Variants in DNAH5 observed in about 807,000 individuals in gnomAD.
DNAH5 encodes the protein axonemal beta dynein heavy chain 5.
A neutral mutation model predicts 518.2 loss-of-function variants in DNAH5; 372 were observed. That is an observed-to-expected ratio of 0.72 (90% CI 0.66 to 0.78). DNAH5 has a LOEUF of 0.78. DNAH5 is among the 30% of genes least tolerant of loss of function. The pLI is 0.00. For synonymous variants in DNAH5, 2,039 were observed against 2,025.9 expected, an observed-to-expected ratio of 1.01 and a Z score of -0.17; for missense variants, 5,523 against 5,687.0, an observed-to-expected ratio of 0.97 and a Z score of 0.93.
At chr5:13,964,886 C>T (rs545016311) in intron 1 of DNAH5, among the ~76,000 whole-genome samples, 1 of 152,310 alleles carries the variant, frequency 6.6e-6, no homozygotes, top group African/African-American at 2.4e-5. Flanking sequence ...TCATTTCTCA[C>T]CCTAAATCTC....
Position 13,766,008 on chromosome 5 carries a change from TC to T in DNAH5, c.10068del (p.Met3357Ter). The T allele has an allele frequency of 6.2e-7, 1 of 1,614,202 alleles. No homozygotes were observed. The highest frequency in any genetic ancestry group is 8.5e-7 in the Non-Finnish European group (1 of 1,180,010). Reference sequence around the variant, plus strand: ...TTCTGTAAAAAGTTCCCTGCAGTCATCAATTTTAAGGATTCCTGCCAGGAGG... The same window carrying T: ...TTCTGTAAAAAGTTCCCTGCAGTCATAATTTTAAGGATTCCTGCCAGGAGG... ...TMPSWQESLK[L>X]MTAGNFLQNL... On this transcript the variant is annotated frameshift_variant, in exon 59 of 79. Transcript: ENST00000265104. LOFTEE classifies it high-confidence loss of function.
At chr5:13,873,088 C>G (rs1427952269) in intron 22 of DNAH5, among the ~76,000 whole-genome samples, 2 of 152,052 alleles carry the variant, frequency 1.3e-5, no homozygotes, top group African/African-American at 4.8e-5. Context: ...CACAATTGCA[C>G]ATGTATCCTA....
chr5:13,907,437 C>T (rs1391251279), intron 12 of DNAH5, among the ~76,000 whole-genome samples: 1 of 151,816 alleles, frequency 6.6e-6, no homozygotes, highest in East Asian at 1.9e-4. Flanking sequence ...CCCCCGCCAC[C>T]CCCCAAAAAA....
chr5:13,979,414 T>A (rs1345648924), intron 1 of DNAH5, among the ~76,000 whole-genome samples: 1 of 152,086 alleles, frequency 6.6e-6, no homozygotes, highest in Admixed American at 6.5e-5. Context: ...GAATGTAAGC[T>A]TCCCCAGCAC....
At chr5:13,885,816 G>A in intron 18 of DNAH5, 148 bp downstream of exon 18, 3 of 791,218 alleles carry the variant, frequency 3.8e-6, no homozygotes, top group Non-Finnish European at 4.0e-6. Context: ...AATATGCTCA[G>A]GGCCATAATT....
chr5:13,848,817 T>C (rs1471327918), intron 31 of DNAH5, among the ~76,000 whole-genome samples: 1 of 152,204 alleles, frequency 6.6e-6, no homozygotes, highest in Admixed American at 6.5e-5. Flanking sequence ...GGAGCGGCTG[T>C]AAATACAAAT....
intron 64 of DNAH5, among the ~76,000 whole-genome samples, chr5:13,751,478 C>G (rs1163181583): frequency 6.6e-6 from 1 of 152,026 alleles, no homozygotes; most frequent in Non-Finnish European, 1.5e-5. Flanking sequence ...TATATACACA[C>G]ATATATATAA....
intron 72 of DNAH5, 66 bp downstream of exon 72, chr5:13,718,816 A>C (rs1744649009): frequency 1.5e-6 from 2 of 1,362,322 alleles, no homozygotes; most frequent in Admixed American, 3.4e-5. Context: ...ATCCTTTTAT[A>C]ATTTTTTTAG....
chr5:13,973,721 TAAAAA>T (rs55645869), intron 1 of DNAH5, among the ~76,000 whole-genome samples: 3 of 145,202 alleles, frequency 2.1e-5, no homozygotes, highest in African/African-American at 2.6e-5. Context: ...TCACTTATGT[TAAAAA>T]AAAAAAAAAA....
chr5:13,729,179 A>G (rs958110217), intron 69 of DNAH5, among the ~76,000 whole-genome samples: 13 of 152,212 alleles, frequency 8.5e-5, no homozygotes, highest in Admixed American at 1.3e-4. Flanking sequence ...TGGACATCCA[A>G]TTGGTGATAC....
chr5:13,731,974 A>C (rs1432977571), intron 68 of DNAH5, among the ~76,000 whole-genome samples: 1 of 152,102 alleles, frequency 6.6e-6, no homozygotes, highest in African/African-American at 2.4e-5. Context: ...CTCTACAAAA[A>C]ATTTAAAAGT....
At chr5:13,852,657 G>C (rs989867400) in intron 30 of DNAH5, among the ~76,000 whole-genome samples, 1 of 152,134 alleles carries the variant, frequency 6.6e-6, no homozygotes, top group African/African-American at 2.4e-5. Context: ...GTCTGAAGTC[G>C]ACCGGGAATG....
chr5:13,985,640 C>A (rs998357682), intron 1 of DNAH5, among the ~76,000 whole-genome samples: 1 of 151,986 alleles, frequency 6.6e-6, no homozygotes, highest in Non-Finnish European at 1.5e-5. Context: ...TGATTTGTTA[C>A]AACAGCCAAA....
intron 55 of DNAH5, 39 bp from the exon 56 acceptor site, chr5:13,771,019 G>T: frequency 6.7e-7 from 1 of 1,490,314 alleles, no homozygotes; most frequent in Non-Finnish European, 9.3e-7. Flanking sequence ...AAATATGTAT[G>T]TAAGTTACCC....
chr5:13,776,484 T>C lies in DNAH5; in HGVS notation c.9328A>G (p.Thr3110Ala). The change falls in exon 55 of 79, where the codon ACA becomes GCA. Residue 3110 changes from threonine to alanine, a missense_variant. Coordinates refer to ENST00000265104, the MANE Select transcript of DNAH5 (RefSeq NM_001369.3). ...LKFPALISGC[T>A]IDWFSRWPKD... The stretch of plus-strand genomic sequence containing the variant: ...GGCCATCGGCTGAACCAGTCAATTG[T>C]GCATCCTGAAATTAGGGCAGGGAAC... The C allele has an allele frequency of 5.0e-6, 8 of 1,613,864 alleles. No individual in the cohort carries two copies. The highest frequency in any genetic ancestry group is 4.2e-6 in the Non-Finnish European group (5 of 1,179,800).
intron 28 of DNAH5, 87 bp from the exon 29 acceptor site, chr5:13,862,834 T>G: frequency 5.5e-6 from 3 of 545,450 alleles, no homozygotes. Context: ...ATCTTCACTA[T>G]TTGCTTCATA....
At chr5:13,913,477 C>T (rs372419346) in intron 11 of DNAH5, among the ~76,000 whole-genome samples, 4 of 152,014 alleles carry the variant, frequency 2.6e-5, no homozygotes, top group Non-Finnish European at 5.9e-5. Context: ...TTTTCTTGTG[C>T]TACTAATGAA....
chr5:13,867,201 G>A (rs1769379100), intron 25 of DNAH5, among the ~76,000 whole-genome samples: 1 of 152,130 alleles, frequency 6.6e-6, no homozygotes, highest in Admixed American at 6.6e-5. Flanking sequence ...AAATTATTAT[G>A]TATGAAATCC....
At chr5:13,999,083 A>G (rs1784166167) in intron 1 of DNAH5, among the ~76,000 whole-genome samples, 1 of 152,306 alleles carries the variant, frequency 6.6e-6, no homozygotes, top group East Asian at 1.9e-4. Context: ...TGTTGGCCAG[A>G]CTGGTCTCAA....
Sources: allele counts gnomAD v4.1 joint callset (sites outside exome capture counted in the v4.1 genomes callset), GRCh38; gene constraint gnomAD v4.1.1; transcripts MANE v1.5; gene names NCBI Gene and HGNC (gene_info 2026-07-23, HGNC 2026-07-21).